Variants in TEAD1 observed in about 807,000 individuals in gnomAD.
TEAD1 encodes the protein transcriptional enhancer factor TEF-1.
In TEAD1, 9 loss-of-function variants were observed where a neutral mutation model predicts 54.9. That is an observed-to-expected ratio of 0.16 (90% CI 0.10 to 0.29). TEAD1 has a LOEUF of 0.29. Ranked by LOEUF, TEAD1 falls within the 10% of genes least tolerant of loss-of-function variation. The pLI is 1.00. For missense variants in TEAD1, 387 were observed against 535.9 expected (o/e 0.72, Z 2.74); for synonymous variants, 200 against 187.8 (o/e 1.07, Z -0.53).
At chr11:12,804,330 C>G (rs1946123983) in intron 3 of TEAD1, among the ~76,000 whole-genome samples, 2 of 152,160 alleles carry the variant, frequency 1.3e-5, no homozygotes, top group Admixed American at 1.3e-4. Context: ...GTCCCTGGGA[C>G]CTAGCATGGG....
At chr11:12,767,183 C>G (rs540885780) in intron 3 of TEAD1, among the ~76,000 whole-genome samples, 1 of 152,134 alleles carries the variant, frequency 6.6e-6, no homozygotes, top group Non-Finnish European at 1.5e-5. Context: ...CCCAGCCACT[C>G]GAGAACTGAA....
intron 3 of TEAD1, among the ~76,000 whole-genome samples, chr11:12,851,463 A>G (rs1947272335): frequency 1.3e-5 from 2 of 152,180 alleles, no homozygotes; most frequent in African/African-American, 4.8e-5. Flanking sequence ...TCTCAATATC[A>G]CTTTGTAAAC....
intron 3 of TEAD1, among the ~76,000 whole-genome samples, chr11:12,777,073 G>A (rs7117387): frequency 0.055 from 8,422 of 151,930 alleles, 803 homozygotes; most frequent in African/African-American, 0.19. Flanking sequence ...GATTACAGGC[G>A]TGAACCACCG....
rs781161336 is a variant in TEAD1, at chr11:12,826,954, G to A, written c.203-35296G>A. ...AGACATGATTTCCTTTGGGGCTCTTGTACTCCCATGGTTTGAATTCATAGA... is the reference window on the plus strand; with the variant it reads ...AGACATGATTTCCTTTGGGGCTCTTATACTCCCATGGTTTGAATTCATAGA... On this transcript the variant is annotated intron_variant, in intron 3 of 12. Coordinates refer to ENST00000527636, the MANE Select transcript of TEAD1 (RefSeq NM_021961.6). 5.3e-5 allele frequency among the ~76,000 whole-genome samples: 8 copies of A among 152,290 alleles called. No individual in the cohort carries two copies. The South Asian group carries it at 6.2e-4, about 12-fold the overall frequency.
chr11:12,782,713 A>C (rs1400244276), intron 3 of TEAD1, among the ~76,000 whole-genome samples: 6 of 152,236 alleles, frequency 3.9e-5, no homozygotes, highest in Non-Finnish European at 7.3e-5. Context: ...GTTAGCTACC[A>C]ATGTAATAGT....
intron 3 of TEAD1, among the ~76,000 whole-genome samples, chr11:12,782,455 G>T (rs1266699608): frequency 5.9e-5 from 9 of 152,158 alleles, no homozygotes; most frequent in African/African-American, 2.2e-4. Flanking sequence ...CAGATTAGTG[G>T]TTACCTGAGA....
chr11:12,812,685 A>G (rs538523618), intron 3 of TEAD1, among the ~76,000 whole-genome samples: 218 of 152,366 alleles, frequency 1.4e-3, no homozygotes, highest in Admixed American at 2.9e-3. Flanking sequence ...CTGGAAGCGC[A>G]TAGATTTTCC....
intron 10 of TEAD1, among the ~76,000 whole-genome samples, chr11:12,909,153 T>C (rs1316974965): frequency 1.3e-5 from 2 of 152,204 alleles, no homozygotes; most frequent in Non-Finnish European, 2.9e-5. Flanking sequence ...TCAAAAGTCT[T>C]CGATTCTTCC....
intron 2 of TEAD1, among the ~76,000 whole-genome samples, chr11:12,711,708 A>G (rs563352812): frequency 4.6e-5 from 7 of 152,350 alleles, no homozygotes; most frequent in Non-Finnish European, 8.8e-5. Context: ...CTGAGAATCA[A>G]TAAAAGGAAA....
chr11:12,897,681 G>C (rs1175747337), intron 9 of TEAD1, among the ~76,000 whole-genome samples: 2 of 152,174 alleles, frequency 1.3e-5, no homozygotes, highest in Non-Finnish European at 2.9e-5. Context: ...TTTCAGCCTT[G>C]AACACAGAGG....
chr11:12,796,811 C>T (rs1182308318), intron 3 of TEAD1, among the ~76,000 whole-genome samples: 1 of 151,816 alleles, frequency 6.6e-6, no homozygotes, highest in East Asian at 1.9e-4. Context: ...TGGGAGCACC[C>T]CTTAATATCT....
chr11:12,695,089 G>C (rs1221042348), intron 2 of TEAD1, among the ~76,000 whole-genome samples: 2 of 152,250 alleles, frequency 1.3e-5, no homozygotes, highest in Non-Finnish European at 2.9e-5. Context: ...GGCTAATTCA[G>C]CGCACAGCCA....
At chr11:12,879,514 A>G (rs1947923153) in intron 5 of TEAD1, 194 bp from the exon 6 acceptor site, 1 of 718,856 alleles carries the variant, frequency 1.4e-6, no homozygotes, top group Non-Finnish European at 2.5e-6. Context: ...GGGTCTTCCC[A>G]GTAAATGTTG....
intron 2 of TEAD1, among the ~76,000 whole-genome samples, chr11:12,694,132 C>A (rs1430124400): frequency 1.3e-5 from 2 of 152,220 alleles, no homozygotes; most frequent in Admixed American, 1.3e-4. Flanking sequence ...AGTGCCCCAG[C>A]AAACACATGG....
intron 12 of TEAD1, among the ~76,000 whole-genome samples, chr11:12,933,550 A>T (rs1306537392): frequency 6.6e-6 from 1 of 152,128 alleles, no homozygotes; most frequent in Non-Finnish European, 1.5e-5. Context: ...TAAAATTTTT[A>T]TTATTTTTAT....
intron 3 of TEAD1, among the ~76,000 whole-genome samples, chr11:12,789,659 A>G (rs999168028): frequency 1.3e-5 from 2 of 152,220 alleles, no homozygotes; most frequent in Non-Finnish European, 2.9e-5. Context: ...GTTGATAATT[A>G]GCATCAACAG....
At chr11:12,885,787 G>A (rs1286606693) in intron 9 of TEAD1, among the ~76,000 whole-genome samples, 9 of 152,102 alleles carry the variant, frequency 5.9e-5, no homozygotes, top group Non-Finnish European at 8.8e-5. Context: ...CAGAAGGCTC[G>A]ATTGCCTCTT....
intron 3 of TEAD1, among the ~76,000 whole-genome samples, chr11:12,858,912 G>T (rs1231470915): frequency 2.6e-5 from 4 of 152,170 alleles, no homozygotes; most frequent in Non-Finnish European, 5.9e-5. Context: ...ACACACCTAG[G>T]CTGCAAACCT....
At chr11:12,923,067 C>T (rs1948840691) in intron 10 of TEAD1, 1 of 151,888 alleles carries the variant, frequency 6.6e-6, no homozygotes, top group Non-Finnish European at 1.5e-5. Context: ...CTATAATGGC[C>T]TCCTAGTATA....
Sources: gnomAD v4.1 joint callset for allele counts (sites outside exome capture counted in the v4.1 genomes callset) on GRCh38, gnomAD v4.1.1 for gene constraint, MANE v1.5 for transcripts, NCBI Gene and HGNC (gene_info 2026-07-23, HGNC 2026-07-21) for gene names.